DPH6: variants seen among roughly 807,000 people sequenced by gnomAD.
DPH6 encodes the protein diphthine--ammonia ligase.
DPH6 carries 33 observed loss-of-function variants against 38.2 expected under a neutral mutation model. The observed-to-expected ratio is 0.86, with a 90% CI of 0.65 to 1.15. The LOEUF (loss-of-function observed/expected upper bound fraction) is 1.15. DPH6 is among the 50% of genes most tolerant of loss of function. The pLI is 0.00. For missense variants in DPH6, 325 were observed against 320.0 expected, an observed-to-expected ratio of 1.02 and a Z score of -0.12; for synonymous variants, 108 against 103.0, an observed-to-expected ratio of 1.05 and a Z score of -0.30.
chr15:35,511,913 CTAT>C (rs1419932183), intron 3 of DPH6, among the ~76,000 whole-genome samples: 3 of 151,934 alleles, frequency 2.0e-5, no homozygotes, highest in African/African-American at 7.3e-5. Context: ...TACAAATGAG[CTAT>C]TATAATATTT....
chr15:35,375,721 C>T (rs2052770379), intron 7 of DPH6, among the ~76,000 whole-genome samples: 1 of 152,022 alleles, frequency 6.6e-6, no homozygotes, highest in South Asian at 2.1e-4. Context: ...CTAGGCTCAC[C>T]CCTACTTAAC....
At chr15:35,213,033 G>T (rs112545941), downstream of DPH6, among the ~76,000 whole-genome samples, 2 of 152,190 alleles carry the variant, frequency 1.3e-5, no homozygotes, top group African/African-American at 4.8e-5. Context: ...TTGCCTCACT[G>T]AAAGAACTGA....
At chr15:35,410,560 T>C (rs1454574758) in intron 6 of DPH6, among the ~76,000 whole-genome samples, 1 of 151,796 alleles carries the variant, frequency 6.6e-6, no homozygotes, top group African/African-American at 2.4e-5. Flanking sequence ...ACATTTTATA[T>C]AGAATACGGT....
At chr15:35,291,153 T>A (rs1187870504) in intron 3 of DPH6, among the ~76,000 whole-genome samples, 2 of 152,030 alleles carry the variant, frequency 1.3e-5, no homozygotes, top group Non-Finnish European at 2.9e-5. Context: ...AAATCAACAA[T>A]AAGTAGGAAA....
intron 3 of DPH6, among the ~76,000 whole-genome samples, chr15:35,513,821 AATAT>A (rs547536738): frequency 6.6e-6 from 1 of 151,834 alleles, no homozygotes; most frequent in African/African-American, 2.4e-5. Flanking sequence ...ATAACACTCG[AATAT>A]ATATATAATT....
At chr15:35,406,983 G>A (rs1490830812) in intron 6 of DPH6, among the ~76,000 whole-genome samples, 2 of 151,948 alleles carry the variant, frequency 1.3e-5, no homozygotes, top group African/African-American at 2.4e-5. Flanking sequence ...TGGAGTATAC[G>A]TGGAAAGCCC....
At chr15:35,410,712 A>G (rs1345886267) in intron 6 of DPH6, 123 bp downstream of exon 6, 2 of 723,544 alleles carry the variant, frequency 2.8e-6, no homozygotes, top group Non-Finnish European at 4.2e-6. Flanking sequence ...TTTTTTCATA[A>G]ATATATTATG....
chr15:35,258,265 C>T (rs2051721118), intron 3 of DPH6, among the ~76,000 whole-genome samples: 1 of 152,084 alleles, frequency 6.6e-6, no homozygotes, highest in Non-Finnish European at 1.5e-5. Context: ...AAGGAATAGC[C>T]TAGAACTGTT....
Position 35,331,411 on chromosome 15 carries a change from A to G in DPH6, n.208-334T>C, listed in dbSNP as rs1595482638. 2.8e-5 allele frequency among the ~76,000 whole-genome samples: 4 copies of G among 143,526 alleles called. 1 individual carries two copies. The South Asian group carries it at 8.3e-4, about 30-fold the overall frequency. The allele number at this position is 143,526 out of a possible 152,430, so 94.2% of individuals were successfully genotyped here. ...ATCTATCATCTTCCCGAAACAGATAAATCATGCTACCACATAACATGTACA... is the reference window on the plus strand; with the variant it reads ...ATCTATCATCTTCCCGAAACAGATAGATCATGCTACCACATAACATGTACA... On this transcript the variant is annotated intron_variant and non_coding_transcript_variant, in intron 3 of 3. Coordinates refer to the DPH6 transcript ENST00000558973.
intron 3 of DPH6, among the ~76,000 whole-genome samples, chr15:35,354,222 G>T (rs1181433544): frequency 1.3e-5 from 2 of 152,170 alleles, no homozygotes; most frequent in African/African-American, 4.8e-5. Flanking sequence ...CTTGTCATCT[G>T]CAAACAGGGA....
At chr15:35,542,965 T>TATATATATATATATATATATAA (rs58422347) in intron 1 of DPH6, among the ~76,000 whole-genome samples, 4,417 of 75,940 alleles carry the variant, frequency 0.058, 659 homozygotes, top group South Asian at 0.1. Flanking sequence ...TATATATATA[T>TATATATATATATATATATATAA]AAAATAATTT....
chr15:35,465,319 T>C (rs907223336), intron 3 of DPH6, among the ~76,000 whole-genome samples: 1 of 152,196 alleles, frequency 6.6e-6, no homozygotes, highest in East Asian at 1.9e-4. Flanking sequence ...ATACGAACCA[T>C]TCATTAAAGA....
intron 3 of DPH6, among the ~76,000 whole-genome samples, chr15:35,348,202 T>A (rs1015226484): frequency 6.6e-6 from 1 of 152,218 alleles, no homozygotes. Context: ...GCCTTTGTTG[T>A]CATGTCCAGT....
intron 3 of DPH6, chr15:35,299,134 G>C: frequency 9.1e-7 from 1 of 1,096,718 alleles, no homozygotes; most frequent in Non-Finnish European, 1.4e-6. Flanking sequence ...CAATCGTTAG[G>C]AAACATAGGA....
chr15:35,328,020 C>T (rs140335056), downstream of DPH6, among the ~76,000 whole-genome samples: 193 of 152,246 alleles, frequency 1.3e-3, 1 homozygote, highest in African/African-American at 4.5e-3. Flanking sequence ...TCCTCTACAA[C>T]GTAAGAGCTT....
At chr15:35,176,234 G>T in the DPH6 span, among the ~76,000 whole-genome samples, 1 of 152,090 alleles carries the variant, frequency 6.6e-6, no homozygotes. Flanking sequence ...TTAAATCTTT[G>T]TTTATCCTTA....
At chr15:35,372,228 G>A in intron 8 of DPH6, 25 bp from the exon 9 acceptor site, 3 of 1,463,448 alleles carry the variant, frequency 2.0e-6, no homozygotes, top group Admixed American at 2.7e-5. Flanking sequence ...GAAGGAAAGG[G>A]AAGGAAAATG....
intron 3 of DPH6, among the ~76,000 whole-genome samples, chr15:35,466,937 A>G (rs2124187): frequency 0.9 from 137,519 of 152,186 alleles, 62,904 homozygotes; most frequent in Non-Finnish European, 0.98. Flanking sequence ...AGGACTGGAA[A>G]TTGTTTTGGG....
chr15:35,182,220 ATTTT>A, the DPH6 span, among the ~76,000 whole-genome samples: 191 of 86,000 alleles, frequency 2.2e-3, no homozygotes, highest in African/African-American at 3.5e-3. Context: ...AACTCTAAGA[ATTTT>A]TTTTTTTTTT....
Sources: gnomAD v4.1 joint callset for allele counts (sites outside exome capture counted in the v4.1 genomes callset) on GRCh38, gnomAD v4.1.1 for gene constraint, MANE v1.5 for transcripts, NCBI Gene and HGNC (gene_info 2026-07-23, HGNC 2026-07-21) for gene names.